SPATS2L: variants seen among roughly 807,000 people sequenced by gnomAD.
SPATS2L encodes the protein SPATS2-like protein.
A neutral mutation model predicts 59.6 loss-of-function variants in SPATS2L; 30 were observed. That is an observed-to-expected ratio of 0.50 (90% confidence interval 0.38 to 0.68). SPATS2L has a LOEUF of 0.68. SPATS2L is among the 30% of genes least tolerant of loss of function. The probability of loss-of-function intolerance (pLI) is 0.00; values close to 1 mark genes in which losing one functional copy is unlikely to be tolerated. For missense variants in SPATS2L, 615 were observed against 700.0 expected (o/e 0.88, Z 1.37); for synonymous variants, 252 against 263.5 (o/e 0.96, Z 0.42).
chr2:200,328,755 GTGAT>G (rs555241742), intron 1 of SPATS2L, among the ~76,000 whole-genome samples: 14 of 152,350 alleles, frequency 9.2e-5, no homozygotes, highest in African/African-American at 2.9e-4. Flanking sequence ...GACCGAGTGA[GTGAT>G]TGATTGGTTG....
intron 1 of SPATS2L, among the ~76,000 whole-genome samples, chr2:200,316,337 A>G (rs2079377717): frequency 6.6e-6 from 1 of 152,224 alleles, no homozygotes; most frequent in African/African-American, 2.4e-5. Flanking sequence ...TTGCTTCATG[A>G]GTAGGCATTT....
intron 2 of SPATS2L, among the ~76,000 whole-genome samples, 188 bp downstream of exon 2, chr2:200,329,668 G>C (rs1191542237): frequency 3.3e-5 from 5 of 152,096 alleles, no homozygotes; most frequent in Admixed American, 1.3e-4. Context: ...AGGGCAGTGG[G>C]GTCTGGTGGA....
At chr2:200,417,014 G>C (rs1255668697) in intron 5 of SPATS2L, among the ~76,000 whole-genome samples, 2 of 152,174 alleles carry the variant, frequency 1.3e-5, no homozygotes, top group Admixed American at 1.3e-4. Context: ...ATTCAAACTG[G>C]TTTGCTTTCT....
intron 6 of SPATS2L, among the ~76,000 whole-genome samples, chr2:200,437,899 T>C (rs2084411078): frequency 6.6e-6 from 1 of 152,218 alleles, no homozygotes; most frequent in Admixed American, 6.5e-5. Context: ...TTTATTTTTT[T>C]CTATGAAATT....
Position 200,479,720 on chromosome 2 carries a change from T to A in SPATS2L, c.*1689T>A, listed in dbSNP as rs2087733367. 1 of 398,498 alleles carries A rather than the reference T, an allele frequency of 2.5e-6. No individual in the cohort carries two copies. The highest frequency in any genetic ancestry group is 2.1e-5 in the African/African-American group (1 of 48,620). The allele number at this position is 398,498 out of a possible 1,614,324, so 24.7% of individuals were successfully genotyped here. A position where few individuals can be genotyped will look rare whatever the true frequency, so the allele number is the denominator to read the frequency against. ...CAAATGCTTATTCTCAACTCAACAT[T>A]AACATTTTTTCTGGCAACCCAGGTT... On this transcript the variant is annotated 3_prime_UTR_variant, in exon 13 of 13. Coordinates refer to ENST00000409140, the MANE Select transcript of SPATS2L (RefSeq NM_001100423.2).
intron 2 of SPATS2L, chr2:200,372,163 G>A (rs2081446528): frequency 5.1e-6 from 5 of 985,406 alleles, no homozygotes; most frequent in Non-Finnish European, 4.8e-6. Context: ...TGCCTCATGG[G>A]AAACTCGGGA....
At chr2:200,308,950 A>C in intron 1 of SPATS2L, 1 of 692,064 alleles carries the variant, frequency 1.4e-6, no homozygotes, top group Non-Finnish European at 2.7e-6. Flanking sequence ...TCCTGAGGCC[A>C]TTGTGGAGAG....
At chr2:200,374,257 C>T (rs2081526135) in intron 2 of SPATS2L, among the ~76,000 whole-genome samples, 1 of 152,114 alleles carries the variant, frequency 6.6e-6, no homozygotes, top group African/African-American at 2.4e-5. Flanking sequence ...TGGCTTTACA[C>T]ATTAGTCACT....
intron 1 of SPATS2L, chr2:200,309,199 AGTGAATGTTC>A: frequency 2.8e-6 from 2 of 713,498 alleles, no homozygotes; most frequent in African/African-American, 1.7e-5. Context: ...TATCAATCAC[AGTGAATGTTC>A]GTGAATGGTT....
chr2:200,379,238 T>G (rs1049494096), intron 2 of SPATS2L, among the ~76,000 whole-genome samples: 2 of 152,244 alleles, frequency 1.3e-5, no homozygotes, highest in African/African-American at 4.8e-5. Flanking sequence ...AACCAGGTAC[T>G]GAATAACTTT....
chr2:200,424,888 AG>A (rs2083468458), intron 6 of SPATS2L, among the ~76,000 whole-genome samples: 1 of 152,100 alleles, frequency 6.6e-6, no homozygotes, highest in African/African-American at 2.4e-5. Flanking sequence ...TGGGAAACCA[AG>A]TCTTCGGTCC....
intron 3 of SPATS2L, among the ~76,000 whole-genome samples, chr2:200,402,421 C>T (rs1401857361): frequency 6.6e-6 from 1 of 152,184 alleles, no homozygotes; most frequent in African/African-American, 2.4e-5. Context: ...CATGTTCTTC[C>T]AGTCACTCAG....
At chr2:200,373,751 A>G (rs1165552092) in intron 2 of SPATS2L, among the ~76,000 whole-genome samples, 3 of 152,184 alleles carry the variant, frequency 2.0e-5, no homozygotes, top group African/African-American at 7.2e-5. Context: ...GAGTCCTTTA[A>G]TATTTGTTAG....
intron 6 of SPATS2L, among the ~76,000 whole-genome samples, chr2:200,431,987 G>A (rs2083965199): frequency 6.6e-6 from 1 of 152,218 alleles, no homozygotes. Flanking sequence ...ACAATTGCAG[G>A]CACTGCAGCT....
intron 1 of SPATS2L, among the ~76,000 whole-genome samples, chr2:200,321,967 T>C (rs2079574100): frequency 6.6e-6 from 1 of 152,200 alleles, no homozygotes; most frequent in Non-Finnish European, 1.5e-5. Flanking sequence ...AAGCTTATGC[T>C]TTTTCCATTC....
chr2:200,313,188 G>A (rs577843735), intron 1 of SPATS2L, among the ~76,000 whole-genome samples: 1 of 152,348 alleles, frequency 6.6e-6, no homozygotes, highest in African/African-American at 2.4e-5. Context: ...AGTCAGAGCT[G>A]TCAGCAACGC....
At position 200,479,198 on chromosome 2, in the gene SPATS2L, C is replaced by T. The variant is rs931614820; in HGVS notation, c.*1167C>T. ...AATTACAGGCATGAGCCACCGTACC[C>T]GGCCAGCTCCCATCTCTTAATTATC... On this transcript the variant is annotated 3_prime_UTR_variant, in exon 13 of 13. Transcript: ENST00000409140. 4.8e-5 allele frequency: 9 copies of T among 187,052 alleles called. No homozygotes were observed. The highest frequency in any genetic ancestry group is 1.2e-4 in the African/African-American group (5 of 43,094). 11.6% of individuals were successfully genotyped at this position (187,052 alleles called of 1,614,324 possible). A position where few individuals can be genotyped will look rare whatever the true frequency, so the allele number is the denominator to read the frequency against.
chr2:200,331,844 T>C (rs2079953693), intron 2 of SPATS2L, among the ~76,000 whole-genome samples: 1 of 152,242 alleles, frequency 6.6e-6, no homozygotes, highest in Admixed American at 6.5e-5. Context: ...CAGATTTTGC[T>C]CGTACCACAG....
At chr2:200,406,851 G>A (rs1272412090) in intron 3 of SPATS2L, among the ~76,000 whole-genome samples, 1 of 152,164 alleles carries the variant, frequency 6.6e-6, no homozygotes, top group Non-Finnish European at 1.5e-5. Context: ...AAGAAGAAGA[G>A]GGGGTAAAAC....
Sources: allele counts gnomAD v4.1 joint callset (sites outside exome capture counted in the v4.1 genomes callset), GRCh38; gene constraint gnomAD v4.1.1; transcripts MANE v1.5; gene names NCBI Gene and HGNC (gene_info 2026-07-23, HGNC 2026-07-21).